The following LRRC7 variants were observed in gnomAD, a reference collection of about 807,000 sequenced individuals.
The protein encoded by LRRC7 is leucine-rich repeat-containing protein 7.
A neutral mutation model predicts 175.7 loss-of-function variants in LRRC7; 23 were observed. That is an observed-to-expected ratio of 0.13 (90% CI 0.09 to 0.19). The LOEUF (loss-of-function observed/expected upper bound fraction) is 0.19. Ranked by LOEUF, LRRC7 falls within the 10% of genes least tolerant of loss-of-function variation. The pLI, the probability that LRRC7 is intolerant of heterozygous loss-of-function variation, is 1.00. For missense variants in LRRC7, 1,354 were observed against 1,904.7 expected (o/e 0.71, Z 5.38); for synonymous variants, 685 against 680.9 (o/e 1.01, Z -0.09).
intron 8 of LRRC7, among the ~76,000 whole-genome samples, chr1:69,956,674 T>C (rs995238044): frequency 6.6e-5 from 10 of 151,530 alleles, no homozygotes; most frequent in Non-Finnish European, 3.0e-5. Context: ...AAAATAAGTA[T>C]AAAACTGAAG....
At chr1:69,741,231 T>TA (rs915402782) in intron 2 of LRRC7, among the ~76,000 whole-genome samples, 18 of 151,806 alleles carry the variant, frequency 1.2e-4, no homozygotes, top group African/African-American at 3.9e-4. Flanking sequence ...TTAAATTTTT[T>TA]AAAAAAAAGT....
chr1:69,792,247 T>C (rs1675213249), intron 4 of LRRC7, 87 bp downstream of exon 4: 1 of 781,774 alleles, frequency 1.3e-6, no homozygotes, highest in African/African-American at 1.8e-5. Flanking sequence ...TAATCTAAAA[T>C]AACTTTTTCT....
intron 7 of LRRC7, among the ~76,000 whole-genome samples, chr1:69,912,671 CAAT>C (rs1041635615): frequency 1.7e-4 from 26 of 152,170 alleles, no homozygotes; most frequent in African/African-American, 6.0e-4. Flanking sequence ...TAGGACTGCA[CAAT>C]AATTTTCAGT....
intron 2 of LRRC7, among the ~76,000 whole-genome samples, chr1:69,734,534 A>G (rs987165966): frequency 2.0e-5 from 3 of 151,972 alleles, no homozygotes; most frequent in African/African-American, 7.2e-5. Context: ...TAATGGCTAT[A>G]TAGTATTTCA....
At chr1:69,924,765 T>A (rs1647007675) in intron 7 of LRRC7, among the ~76,000 whole-genome samples, 1 of 152,212 alleles carries the variant, frequency 6.6e-6, no homozygotes, top group African/African-American at 2.4e-5. Context: ...TTTGACTTCC[T>A]CTTTTCCTAA....
At chr1:69,905,592 AT>A (rs946610376) in intron 7 of LRRC7, among the ~76,000 whole-genome samples, 20 of 152,066 alleles carry the variant, frequency 1.3e-4, no homozygotes, top group African/African-American at 4.8e-4. Context: ...TGAACTCTTC[AT>A]TTTTTATGGC....
At chr1:69,644,129 C>G (rs1654647508) in intron 1 of LRRC7, among the ~76,000 whole-genome samples, 1 of 152,018 alleles carries the variant, frequency 6.6e-6, no homozygotes, top group Admixed American at 6.6e-5. Flanking sequence ...ATTGCCTGTT[C>G]TGCATTTGTT....
intron 7 of LRRC7, among the ~76,000 whole-genome samples, chr1:69,865,378 A>G (rs1004507776): frequency 2.0e-5 from 3 of 150,962 alleles, no homozygotes; most frequent in African/African-American, 4.9e-5. Flanking sequence ...TGAACTTTTG[A>G]AGTGCCAACA....
At chr1:69,645,035 C>G (rs976200993) in intron 1 of LRRC7, among the ~76,000 whole-genome samples, 4 of 152,008 alleles carry the variant, frequency 2.6e-5, no homozygotes, top group Non-Finnish European at 4.4e-5. Context: ...TAATCGAGTG[C>G]CTTCTTCAAG....
At chr1:69,820,530 G>A (rs1679158840) in intron 4 of LRRC7, among the ~76,000 whole-genome samples, 1 of 151,986 alleles carries the variant, frequency 6.6e-6, no homozygotes, top group Non-Finnish European at 1.5e-5. Flanking sequence ...CCCCCCAACA[G>A]ACCCCAGTGT....
chr1:69,902,117 G>A (rs934515378), intron 7 of LRRC7, among the ~76,000 whole-genome samples: 1 of 151,994 alleles, frequency 6.6e-6, no homozygotes, highest in African/African-American at 2.4e-5. Context: ...ATTACTAATT[G>A]GGAGCTTTTA....
intron 7 of LRRC7, among the ~76,000 whole-genome samples, chr1:69,854,588 A>G (rs1683372983): frequency 1.3e-5 from 2 of 152,180 alleles, no homozygotes; most frequent in African/African-American, 4.8e-5. Flanking sequence ...TACTGAGGGT[A>G]ACTTGATCCA....
At chr1:69,909,966 G>A (rs1646468712) in intron 7 of LRRC7, among the ~76,000 whole-genome samples, 1 of 152,022 alleles carries the variant, frequency 6.6e-6, no homozygotes, top group African/African-American at 2.4e-5. Flanking sequence ...GGCTTTGTTT[G>A]TTTCTTTTTA....
chr1:69,661,324 T>G (rs1348104219), intron 1 of LRRC7, among the ~76,000 whole-genome samples: 1 of 152,118 alleles, frequency 6.6e-6, no homozygotes, highest in Non-Finnish European at 1.5e-5. Context: ...GATTCTTCTT[T>G]CCCTAGTAAA....
intron 7 of LRRC7, among the ~76,000 whole-genome samples, chr1:69,845,840 C>T (rs1020892185): frequency 6.6e-6 from 1 of 152,088 alleles, no homozygotes; most frequent in Admixed American, 6.6e-5. Flanking sequence ...AACTGTAATA[C>T]ATAATTGGAT....
intron 14 of LRRC7, among the ~76,000 whole-genome samples, chr1:70,017,199 C>T (rs541274176): frequency 5.0e-4 from 75 of 150,172 alleles, no homozygotes; most frequent in African/African-American, 1.7e-3. Context: ...CGCTTGAACC[C>T]GGGGGGCACA....
intron 3 of LRRC7, among the ~76,000 whole-genome samples, chr1:69,764,726 T>TAGAC (rs36159703): frequency 0.16 from 22,236 of 141,760 alleles, 1,999 homozygotes; most frequent in Non-Finnish European, 0.19. Flanking sequence ...GGTAGATAGA[T>TAGAC]AGACAGATAG....
intron 2 of LRRC7, among the ~76,000 whole-genome samples, chr1:69,716,593 C>T (rs1415960696): frequency 1.3e-5 from 2 of 151,696 alleles, no homozygotes; most frequent in African/African-American, 2.4e-5. Context: ...TCTCATAAGC[C>T]ATTCATAAAT....
chr1:69,829,097 C>T (rs987786334), intron 5 of LRRC7, among the ~76,000 whole-genome samples: 1 of 151,934 alleles, frequency 6.6e-6, no homozygotes, highest in African/African-American at 2.4e-5. Context: ...CTTTGATTTG[C>T]TGATTCTTAC....
Sources: allele counts gnomAD v4.1 joint callset (sites outside exome capture counted in the v4.1 genomes callset), GRCh38; gene constraint gnomAD v4.1.1; transcripts MANE v1.5; gene names NCBI Gene and HGNC (gene_info 2026-07-23, HGNC 2026-07-21).